The following BMAL2 variants were observed in gnomAD, a reference collection of about 807,000 sequenced individuals.
BMAL2 encodes basic helix-loop-helix ARNT-like protein 2.
At chr12:27,336,607 A>G in the BMAL2 span, among the ~76,000 whole-genome samples, 1 of 152,150 alleles carries the variant, frequency 6.6e-6, no homozygotes, top group Non-Finnish European at 1.5e-5. Context: ...ACATTGTATC[A>G]CACTAGGCTA....
chr12:27,337,341 A>G, the BMAL2 span, among the ~76,000 whole-genome samples: 1 of 152,250 alleles, frequency 6.6e-6, no homozygotes, highest in African/African-American at 2.4e-5. Flanking sequence ...GATTAGAAAT[A>G]TACTTTATCA....
At chr12:27,381,731 T>C in the BMAL2 span, among the ~76,000 whole-genome samples, 3 of 152,082 alleles carry the variant, frequency 2.0e-5, no homozygotes, top group Non-Finnish European at 4.4e-5. Context: ...TTGGGTGAAG[T>C]GGAATAGAGT....
At chr12:27,341,664 C>G in the BMAL2 span, among the ~76,000 whole-genome samples, 2 of 152,178 alleles carry the variant, frequency 1.3e-5, no homozygotes, top group African/African-American at 4.8e-5. Context: ...TCTACCATCC[C>G]CATCACTCTG....
chr12:27,390,289 G>A, the BMAL2 span: 1 of 1,557,296 alleles, frequency 6.4e-7, no homozygotes, highest in African/African-American at 1.4e-5. Flanking sequence ...TAAAATTAAT[G>A]TCCTAAATAT....
chr12:27,411,122 T>C, the BMAL2 span, among the ~76,000 whole-genome samples: 3 of 152,124 alleles, frequency 2.0e-5, no homozygotes, highest in African/African-American at 4.8e-5. Context: ...AGAATAGTTA[T>C]TGTGTTTTTT....
the BMAL2 span, among the ~76,000 whole-genome samples, chr12:27,372,247 AG>A: frequency 5.3e-5 from 8 of 150,648 alleles, no homozygotes. Flanking sequence ...AAAAAAAAAA[AG>A]GTGGAATTAT....
At chr12:27,406,709 A>AT in the BMAL2 span, among the ~76,000 whole-genome samples, 1 of 152,228 alleles carries the variant, frequency 6.6e-6, no homozygotes. Flanking sequence ...ACCAGCTAAT[A>AT]TCATAATGAC....
At chr12:27,389,935 G>A in the BMAL2 span, 1 of 603,564 alleles carries the variant, frequency 1.7e-6, no homozygotes, top group Non-Finnish European at 2.7e-6. Context: ...ACATTTTTTG[G>A]GTATATTTCA....
the BMAL2 span, among the ~76,000 whole-genome samples, chr12:27,353,557 AAAAC>A: frequency 2.0e-5 from 3 of 152,234 alleles, no homozygotes; most frequent in African/African-American, 7.2e-5. Flanking sequence ...AATTGCAACA[AAAAC>A]AAAAATAGAT....
At chr12:27,348,174 T>A in the BMAL2 span, among the ~76,000 whole-genome samples, 2 of 152,254 alleles carry the variant, frequency 1.3e-5, no homozygotes, top group Admixed American at 6.5e-5. Flanking sequence ...TCTTCCCTCG[T>A]GTCAACCTTT....
the BMAL2 span, among the ~76,000 whole-genome samples, chr12:27,360,803 C>CAAAAAAAAAAAAAAAAAAAAAAAA: frequency 1.4e-3 from 64 of 46,786 alleles, 14 homozygotes; most frequent in Non-Finnish European, 2.1e-3. Context: ...GTGATTTGTC[C>CAAAAAAAAAAAAAAAAAAAAAAAA]AAAAAAAAAA....
chr12:27,370,976 A>G, the BMAL2 span, among the ~76,000 whole-genome samples: 11 of 152,210 alleles, frequency 7.2e-5, no homozygotes, highest in Non-Finnish European at 1.6e-4. Context: ...TTGGGTTGCT[A>G]CTATGTGACA....
At chr12:27,367,285 CT>C in the BMAL2 span, among the ~76,000 whole-genome samples, 2 of 152,126 alleles carry the variant, frequency 1.3e-5, no homozygotes, top group Non-Finnish European at 2.9e-5. Flanking sequence ...CGTGGATATG[CT>C]GGACAGAGGG....
chr12:27,368,419 G>GA, the BMAL2 span: 1 of 1,613,972 alleles, frequency 6.2e-7, no homozygotes, highest in South Asian at 1.1e-5. Context: ...CCCAGTAAGT[G>GA]AATTTGGTCC....
chr12:27,393,642 G>T, the BMAL2 span, among the ~76,000 whole-genome samples: 1 of 152,346 alleles, frequency 6.6e-6, no homozygotes. Flanking sequence ...CATTGGCTGT[G>T]CTGAGGGGAA....
At chr12:27,353,732 A>G in the BMAL2 span, among the ~76,000 whole-genome samples, 15 of 152,296 alleles carry the variant, frequency 9.8e-5, no homozygotes, top group East Asian at 2.7e-3. Context: ...ACCAGCAACA[A>G]ACAACTGTAT....
At chr12:27,373,294 C>T in the BMAL2 span, among the ~76,000 whole-genome samples, 1 of 152,074 alleles carries the variant, frequency 6.6e-6, no homozygotes, top group African/African-American at 2.4e-5. Flanking sequence ...CTGACTTGGG[C>T]TCCTAGATGG....
At chr12:27,422,169 A>G in the BMAL2 span, 1 of 152,216 alleles carries the variant, frequency 6.6e-6, no homozygotes, top group East Asian at 1.9e-4. Flanking sequence ...TTTCTGCTTC[A>G]GTAGCTCTTC....
the BMAL2 span, among the ~76,000 whole-genome samples, chr12:27,374,524 C>A: frequency 6.6e-6 from 1 of 152,082 alleles, no homozygotes; most frequent in Non-Finnish European, 1.5e-5. Flanking sequence ...TGCTGAGGGA[C>A]AATTATATAT....
Sources: gnomAD v4.1 joint callset for allele counts (sites outside exome capture counted in the v4.1 genomes callset) on GRCh38, gnomAD v4.1.1 for gene constraint, MANE v1.5 for transcripts, NCBI Gene and HGNC (gene_info 2026-07-23, HGNC 2026-07-21) for gene names.